The following CFAP299 variants were observed in gnomAD, a reference collection of about 807,000 sequenced individuals.
CFAP299 encodes cilia and flagella associated protein 299, also known as cilia- and flagella-associated protein 299.
A neutral mutation model predicts 27.0 loss-of-function variants in CFAP299; 21 were observed. The observed-to-expected ratio is 0.78, with a 90% CI of 0.55 to 1.12. CFAP299 has a LOEUF of 1.12. Ranked by LOEUF, CFAP299 falls within the 50% of genes most tolerant of loss-of-function variation. CFAP299 has a pLI of 0.00. For missense variants in CFAP299, 310 were observed against 276.6 expected (o/e 1.12, Z -0.86); for synonymous variants, 104 against 98.1 (o/e 1.06, Z -0.36).
At chr4:80,649,602 G>T (rs1740189768) in intron 3 of CFAP299, among the ~76,000 whole-genome samples, 1 of 151,912 alleles carries the variant, frequency 6.6e-6, no homozygotes, top group Non-Finnish European at 1.5e-5. Context: ...CCTTTCATTA[G>T]TTGCAGTTAT....
chr4:80,532,932 G>A (rs1019739885), intron 2 of CFAP299, among the ~76,000 whole-genome samples: 1 of 152,156 alleles, frequency 6.6e-6, no homozygotes, highest in Non-Finnish European at 1.5e-5. Flanking sequence ...AACTTTTTCT[G>A]ACCTTTTTTT....
In CFAP299 at chr4:80,401,423, G is replaced by A. The variant is rs370684351; in HGVS notation, c.242+38539G>A. 3.9e-5 allele frequency among the ~76,000 whole-genome samples: 6 copies of A among 152,278 alleles called. No individual in the cohort carries two copies. In the South Asian group the frequency reaches 8.3e-4, roughly 21 times the overall value. On this transcript the variant is annotated intron_variant, in intron 2 of 5. Transcript: ENST00000358105. ...TAGGGACTTGGTGCCCTATGTCTCA[G>A]CTGCTCCAGCCATGGCTGAAAGGGG...
intron 1 of CFAP299, among the ~76,000 whole-genome samples, chr4:80,346,458 G>A (rs569577006): frequency 1.3e-5 from 2 of 152,182 alleles, no homozygotes; most frequent in Admixed American, 6.5e-5. Context: ...TGTATAAGGT[G>A]TAAGGAAGGG....
At chr4:80,604,907 T>C (rs1482216077) in intron 3 of CFAP299, among the ~76,000 whole-genome samples, 1 of 103,972 alleles carries the variant, frequency 9.6e-6, no homozygotes, top group Non-Finnish European at 2.0e-5. Context: ...AAAAAAAACA[T>C]GTAATCCTAG....
At chr4:80,856,505 T>C (rs1463531331) in intron 3 of CFAP299, among the ~76,000 whole-genome samples, 2 of 152,164 alleles carry the variant, frequency 1.3e-5, no homozygotes, top group East Asian at 3.9e-4. Context: ...TGGTAATGCC[T>C]AGGTTTTCTT....
chr4:80,324,462 G>GC, the CFAP299 span, among the ~76,000 whole-genome samples: 1 of 152,304 alleles, frequency 6.6e-6, no homozygotes, highest in East Asian at 1.9e-4. Context: ...TAAGCATGGT[G>GC]CATTACACAT....
chr4:80,949,550 A>C (rs895505780), intron 5 of CFAP299, among the ~76,000 whole-genome samples: 7 of 151,696 alleles, frequency 4.6e-5, no homozygotes, highest in African/African-American at 1.5e-4. Context: ...CAACAACAAA[A>C]AAAAAAAGAA....
chr4:80,883,420 A>G (rs185162059), intron 4 of CFAP299, among the ~76,000 whole-genome samples: 49 of 152,286 alleles, frequency 3.2e-4, no homozygotes, highest in African/African-American at 1.1e-3. Flanking sequence ...CAAAATGACA[A>G]TTAAAAGTCC....
rs1351454011 is a variant in CFAP299, at chr4:80,800,427, TA to T, written c.334-69565del. ...TATATTGATATATTAATATAATATATATAATATATAATATATTGATATATTA... is the reference window on the plus strand; with the variant it reads ...TATATTGATATATTAATATAATATATTAATATATAATATATTGATATATTA... On this transcript the variant is annotated intron_variant, in intron 3 of 5. Coordinates refer to ENST00000358105, the MANE Select transcript of CFAP299 (RefSeq NM_152770.3). Among the ~76,000 whole-genome samples, 3 of 62,118 alleles carry T rather than the reference TA, an allele frequency of 4.8e-5. 1 individual carries two copies. The highest frequency in any genetic ancestry group is 2.2e-4 in the African/African-American group (3 of 13,426). The allele number at this position is 62,118 out of a possible 152,430, so 40.8% of individuals were successfully genotyped here. A position where few individuals can be genotyped will look rare whatever the true frequency, so the allele number is the denominator to read the frequency against.
intron 3 of CFAP299, among the ~76,000 whole-genome samples, chr4:80,857,026 C>T (rs1222268808): frequency 6.6e-6 from 1 of 152,008 alleles, no homozygotes; most frequent in East Asian, 1.9e-4. Context: ...TTGATTCTTC[C>T]TACCCATGAG....
chr4:80,775,470 A>G (rs1726482894), intron 3 of CFAP299, among the ~76,000 whole-genome samples: 1 of 152,036 alleles, frequency 6.6e-6, no homozygotes, highest in Non-Finnish European at 1.5e-5. Flanking sequence ...TATCTGTAAT[A>G]CACCATATTT....
chr4:80,952,851 G>C (rs1737854775), intron 5 of CFAP299, among the ~76,000 whole-genome samples: 5 of 152,186 alleles, frequency 3.3e-5, no homozygotes, highest in Admixed American at 3.3e-4. Flanking sequence ...TGCCACCTCT[G>C]CTTCTGAGGT....
chr4:80,725,034 T>C (rs1040426278), intron 3 of CFAP299, among the ~76,000 whole-genome samples: 4 of 150,968 alleles, frequency 2.6e-5, no homozygotes, highest in Non-Finnish European at 5.9e-5. Context: ...AACCTCTGCC[T>C]CCCAGGTTCA....
At chr4:80,753,737 C>T (rs1208076113) in intron 3 of CFAP299, among the ~76,000 whole-genome samples, 4 of 152,158 alleles carry the variant, frequency 2.6e-5, no homozygotes, top group African/African-American at 9.6e-5. Context: ...TCTTCAAGTT[C>T]ACTGATTCTT....
rs555876306 is a variant in CFAP299, at chr4:80,734,163, C to T, written c.334-135830C>T. ...TGACTTTTGGGTAAAATCATTTTAA[C>T]TGGGCTAAGATAATATCTCACTGTA... On this transcript the variant is annotated intron_variant, in intron 3 of 5. Transcript: ENST00000358105. 9.2e-5 allele frequency among the ~76,000 whole-genome samples: 14 copies of T among 152,198 alleles called. No individual in the cohort carries two copies. In the East Asian group the frequency reaches 2.5e-3, roughly 27 times the overall value.
chr4:80,637,064 A>T (rs2109954289), intron 3 of CFAP299, among the ~76,000 whole-genome samples: 1 of 152,336 alleles, frequency 6.6e-6, no homozygotes, highest in East Asian at 1.9e-4. Flanking sequence ...AGACTATGAA[A>T]CAAAAAAGAC....
chr4:80,606,047 G>A (rs944688213), intron 3 of CFAP299, among the ~76,000 whole-genome samples: 1 of 152,120 alleles, frequency 6.6e-6, no homozygotes, highest in Non-Finnish European at 1.5e-5. Context: ...CTTGCTGTCT[G>A]AAGAGTCAAT....
intron 3 of CFAP299, among the ~76,000 whole-genome samples, chr4:80,617,668 A>T (rs1190056143): frequency 2.6e-5 from 4 of 152,192 alleles, no homozygotes; most frequent in African/African-American, 9.7e-5. Context: ...GTTAAAAGGC[A>T]TTCCTACATA....
At chr4:80,664,574 C>T (rs2109985583) in intron 3 of CFAP299, among the ~76,000 whole-genome samples, 2 of 152,266 alleles carry the variant, frequency 1.3e-5, no homozygotes, top group Middle Eastern at 6.8e-3. Flanking sequence ...GTGGATGCCC[C>T]TCTCCCCACC....
Sources: gnomAD v4.1 joint callset for allele counts (sites outside exome capture counted in the v4.1 genomes callset) on GRCh38, gnomAD v4.1.1 for gene constraint, MANE v1.5 for transcripts, NCBI Gene and HGNC (gene_info 2026-07-23, HGNC 2026-07-21) for gene names.